The following MYOF variants were observed in gnomAD, a reference collection of about 807,000 sequenced individuals.
MYOF encodes myoferlin.
Under a neutral mutation model 284.2 loss-of-function variants are expected in MYOF, and 244 were observed. The ratio of observed to expected loss-of-function variants is 0.86; its 90% confidence interval spans 0.77 to 0.95. The LOEUF (loss-of-function observed/expected upper bound fraction) is 0.95, where lower values mean the gene tolerates loss of function less well. Among genes scored for constraint, MYOF ranks in the 40% least tolerant of loss-of-function variants. MYOF has a pLI of 0.00. For missense variants in MYOF, 2,496 were observed against 2,560.6 expected, an observed-to-expected ratio of 0.97 and a Z score of 0.54; for synonymous variants, 904 against 919.7, an observed-to-expected ratio of 0.98 and a Z score of 0.31.
chr10:93,408,961 G>A, intron 6 of MYOF, 46 bp from the exon 7 acceptor site: 1 of 1,610,788 alleles, frequency 6.2e-7, no homozygotes, highest in Non-Finnish European at 8.5e-7. Flanking sequence ...CCCAGCACGT[G>A]GGATCCTTAG....
At chr10:93,313,469 C>A (rs185554115) in intron 50 of MYOF, among the ~76,000 whole-genome samples, 2 of 152,316 alleles carry the variant, frequency 1.3e-5, no homozygotes, top group East Asian at 1.9e-4. Context: ...GTTCTTTAAA[C>A]TCAAAGTAAT....
intron 50 of MYOF, among the ~76,000 whole-genome samples, chr10:93,316,005 GT>G (rs1380330324): frequency 1.3e-5 from 2 of 151,698 alleles, no homozygotes; most frequent in Non-Finnish European, 2.9e-5. Flanking sequence ...TATGCCTGTA[GT>G]CCCAGCTACT....
chr10:93,317,129 A>G (rs890083535), intron 49 of MYOF, among the ~76,000 whole-genome samples: 2 of 146,330 alleles, frequency 1.4e-5, no homozygotes, highest in Non-Finnish European at 3.0e-5. Flanking sequence ...TGTCCTATTT[A>G]GATTATCCTC....
chr10:93,354,048 C>T (rs1287260677), intron 31 of MYOF, among the ~76,000 whole-genome samples, 160 bp from the exon 32 acceptor site: 2 of 152,180 alleles, frequency 1.3e-5, no homozygotes, highest in Non-Finnish European at 2.9e-5. Context: ...ATGATGTGGC[C>T]TCCCAAAGTA....
chr10:93,337,561 C>T (rs980858643), intron 40 of MYOF: 3 of 430,974 alleles, frequency 7.0e-6, no homozygotes, highest in Non-Finnish European at 1.2e-5. Flanking sequence ...CAGCCCATTC[C>T]CAACCATCTG....
chr10:93,319,780 C>G, intron 49 of MYOF, 92 bp downstream of exon 49: 1 of 1,551,836 alleles, frequency 6.4e-7, no homozygotes, highest in Non-Finnish European at 8.8e-7. Context: ...TCAGTGACCT[C>G]CGAGATCCTG....
intron 44 of MYOF, 107 bp downstream of exon 44, chr10:93,329,557 G>A: frequency 8.5e-7 from 1 of 1,181,090 alleles, no homozygotes; most frequent in Non-Finnish European, 1.2e-6. Context: ...CTGAGTGATA[G>A]GAGCAGTGGC....
intron 29 of MYOF, among the ~76,000 whole-genome samples, chr10:93,357,122 G>T (rs1440294504): frequency 1.3e-5 from 2 of 152,166 alleles, no homozygotes; most frequent in African/African-American, 2.4e-5. Context: ...TTCAGATTTG[G>T]GGGTGGGTGA....
Position 93,333,957 on chromosome 10 carries a change from C to G in MYOF, c.4564-44G>C, listed in dbSNP as rs751801622. 3.1e-6 allele frequency: 5 copies of G among 1,590,540 alleles called. No individual in the cohort carries two copies. The East Asian group carries it at 1.1e-4, about 36-fold the overall frequency. The stretch of plus-strand genomic sequence containing the variant: ...AGGACTCACAGGGCCCTGGGTGGCC[C>G]AGGTAGAGGGCTCCTGGGAAGTCCC... On this transcript the variant is annotated intron_variant, in intron 41 of 53. Coordinates refer to ENST00000359263, the MANE Select transcript of MYOF (RefSeq NM_013451.4).
chr10:93,437,258 TG>T (rs1849167356), intron 3 of MYOF, among the ~76,000 whole-genome samples: 2 of 149,306 alleles, frequency 1.3e-5, no homozygotes, highest in South Asian at 4.2e-4. Context: ...CCGCTTAAAC[TG>T]TTTTTTTTTT....
intron 2 of MYOF, among the ~76,000 whole-genome samples, chr10:93,452,774 C>T (rs74745055): frequency 4.2e-4 from 64 of 152,170 alleles, no homozygotes; most frequent in African/African-American, 1.5e-3. Context: ...TCTTCAATGG[C>T]TAGTTTTAAA....
intron 12 of MYOF, among the ~76,000 whole-genome samples, chr10:93,400,067 A>G (rs1847200388): frequency 6.6e-6 from 1 of 152,160 alleles, no homozygotes; most frequent in South Asian, 2.1e-4. Flanking sequence ...TTGATCTTTT[A>G]TGGAGGAAAA....
rs978881042 is a variant in MYOF, at chr10:93,384,527, C to T, written c.1699-3131G>A. Among the ~76,000 whole-genome samples, 6 of 151,982 alleles carry T rather than the reference C, an allele frequency of 3.9e-5. 1 individual carries two copies. The highest frequency in any genetic ancestry group is 1.9e-4 in the East Asian group (1 of 5,162). The stretch of plus-strand genomic sequence containing the variant: ...GGCATGGTGAGAGGTGCCTGTAATC[C>T]CAGCTACTCAGGAGGCTGAGGCAAG... On this transcript the variant is annotated intron_variant, in intron 19 of 53. Transcript: ENST00000359263.
At chr10:93,378,273 C>T (rs1436028397) in intron 21 of MYOF, among the ~76,000 whole-genome samples, 1 of 152,152 alleles carries the variant, frequency 6.6e-6, no homozygotes, top group East Asian at 1.9e-4. Flanking sequence ...GATTAGGCAG[C>T]CTGGTCAGTG....
At chr10:93,453,786 G>A (rs1353046078) in intron 2 of MYOF, among the ~76,000 whole-genome samples, 1 of 152,148 alleles carries the variant, frequency 6.6e-6, no homozygotes, top group Non-Finnish European at 1.5e-5. Flanking sequence ...TTGGGAGGCT[G>A]AGTGGGGAGG....
chr10:93,312,740 A>G (rs1415690926), intron 51 of MYOF, among the ~76,000 whole-genome samples: 1 of 152,138 alleles, frequency 6.6e-6, no homozygotes, highest in Non-Finnish European at 1.5e-5. Flanking sequence ...TCCCTGATGA[A>G]GAAGAAAGGA....
intron 5 of MYOF, among the ~76,000 whole-genome samples, chr10:93,411,357 A>G (rs1847892551): frequency 6.6e-6 from 1 of 152,226 alleles, no homozygotes; most frequent in African/African-American, 2.4e-5. Flanking sequence ...TGATGGAAGA[A>G]GCAAAGGAGC....
At chr10:93,432,375 A>C (rs1337817672) in intron 3 of MYOF, among the ~76,000 whole-genome samples, 1 of 152,030 alleles carries the variant, frequency 6.6e-6, no homozygotes, top group East Asian at 1.9e-4. Context: ...CGACAGAGTG[A>C]GACCTTGTCT....
At chr10:93,465,758 GC>G (rs2056996451) in intron 1 of MYOF, among the ~76,000 whole-genome samples, 1 of 151,838 alleles carries the variant, frequency 6.6e-6, no homozygotes. Flanking sequence ...CAGGTGATCC[GC>G]CCACCTCCGC....
Sources: gnomAD v4.1 joint callset for allele counts (sites outside exome capture counted in the v4.1 genomes callset) on GRCh38, gnomAD v4.1.1 for gene constraint, MANE v1.5 for transcripts, NCBI Gene and HGNC (gene_info 2026-07-23, HGNC 2026-07-21) for gene names.